The following GPC5 variants were observed in gnomAD, a reference collection of about 807,000 sequenced individuals.
GPC5 encodes glypican-5.
GPC5 carries 47 observed loss-of-function variants against 53.9 expected under a neutral mutation model. That is an observed-to-expected ratio of 0.87 (90% CI 0.69 to 1.11). The LOEUF is 1.11. GPC5 is among the 50% of genes most tolerant of loss of function. The pLI, the probability that GPC5 is intolerant of heterozygous loss-of-function variation, is 0.00. For missense variants in GPC5, 748 were observed against 713.1 expected, an observed-to-expected ratio of 1.05 and a Z score of -0.56; for synonymous variants, 286 against 263.3, an observed-to-expected ratio of 1.09 and a Z score of -0.84.
At chr13:91,717,463 C>T (rs1029922848) in intron 3 of GPC5, among the ~76,000 whole-genome samples, 1 of 152,136 alleles carries the variant, frequency 6.6e-6, no homozygotes, top group Non-Finnish European at 1.5e-5. Flanking sequence ...CTGAGAAGAG[C>T]TAGGGAAAGC....
chr13:91,485,677 G>A (rs1054815440), intron 2 of GPC5: 1 of 152,050 alleles, frequency 6.6e-6, no homozygotes, highest in African/African-American at 2.4e-5. Flanking sequence ...ATGAGATTTA[G>A]GAAATATGAT....
chr13:92,596,126 T>C (rs1883872694), intron 7 of GPC5, among the ~76,000 whole-genome samples: 1 of 152,134 alleles, frequency 6.6e-6, no homozygotes, highest in Non-Finnish European at 1.5e-5. Flanking sequence ...GATGAAGAAA[T>C]GTTGTTCACT....
chr13:92,058,742 C>A (rs145536559), intron 6 of GPC5, among the ~76,000 whole-genome samples: 1 of 152,030 alleles, frequency 6.6e-6, no homozygotes, highest in African/African-American at 2.4e-5. Flanking sequence ...TGGGGTTTTG[C>A]CAGGTTGCCC....
chr13:91,470,256 G>C (rs1439928700), intron 2 of GPC5, among the ~76,000 whole-genome samples: 1 of 152,134 alleles, frequency 6.6e-6, no homozygotes, highest in Non-Finnish European at 1.5e-5. Flanking sequence ...GCAGCACAGA[G>C]ATTTTCTTCC....
chr13:92,013,874 C>A (rs34185375), intron 6 of GPC5, among the ~76,000 whole-genome samples: 60,987 of 151,834 alleles, frequency 0.4, 12,964 homozygotes, highest in Admixed American at 0.5. Context: ...TCATATAAAG[C>A]TTCATAAATC....
chr13:92,737,858 C>G (rs1443891441), intron 7 of GPC5, among the ~76,000 whole-genome samples: 1 of 149,244 alleles, frequency 6.7e-6, no homozygotes, highest in African/African-American at 2.5e-5. Context: ...CCTCTACCTC[C>G]TGGGTTCAAG....
intron 7 of GPC5, among the ~76,000 whole-genome samples, chr13:92,294,421 A>T (rs2043019213): frequency 6.6e-6 from 1 of 152,096 alleles, no homozygotes; most frequent in Non-Finnish European, 1.5e-5. Context: ...TCCTGATTTA[A>T]GCTAGGAGGG....
At chr13:92,280,749 A>T (rs1232968117) in intron 7 of GPC5, among the ~76,000 whole-genome samples, 1 of 152,170 alleles carries the variant, frequency 6.6e-6, no homozygotes, top group Non-Finnish European at 1.5e-5. Flanking sequence ...ATAAGAAAAT[A>T]TGACGGGGTG....
intron 7 of GPC5, among the ~76,000 whole-genome samples, chr13:92,762,355 A>G (rs1875218828): frequency 6.6e-6 from 1 of 152,128 alleles, no homozygotes; most frequent in Non-Finnish European, 1.5e-5. Flanking sequence ...AATAACTATA[A>G]GAAGGTTTAT....
At position 91,831,251 on chromosome 13, in the gene GPC5, G is replaced by A. The variant is rs576829049; in HGVS notation, c.1280+74831G>A. Among the ~76,000 whole-genome samples the A allele has an allele frequency of 2.3e-4, 35 of 151,498 alleles. 2 individuals carry two copies. In the East Asian group the frequency reaches 6.8e-3, roughly 29 times the overall value. ...GGAGTCTGATGTTGGAGGGCAGGAA[G>A]CATCCAGCATGAGAGAAAGATGCAG... is the stretch of plus-strand genomic sequence containing the variant. On this transcript the variant is annotated intron_variant, in intron 5 of 7. Coordinates refer to ENST00000377067, the MANE Select transcript of GPC5 (RefSeq NM_004466.6).
intron 7 of GPC5, among the ~76,000 whole-genome samples, chr13:92,751,334 A>AAAAAAAAAAAAAAAAAAAAAAAAAAT (rs1889393079): frequency 6.9e-6 from 1 of 145,720 alleles, no homozygotes; most frequent in African/African-American, 2.6e-5. Flanking sequence ...AAAAAAAAAA[A>AAAAAAAAAAAAAAAAAAAAAAAAAAT]ACCTTCCAAC....
At chr13:91,756,465 G>A in intron 5 of GPC5, 45 bp downstream of exon 5, 2 of 1,487,190 alleles carry the variant, frequency 1.3e-6, no homozygotes, top group East Asian at 2.3e-5. Flanking sequence ...CATCATCCTT[G>A]CTTTCTTTTT....
intron 7 of GPC5, among the ~76,000 whole-genome samples, chr13:92,440,169 C>A (rs1877488166): frequency 6.6e-6 from 1 of 152,046 alleles, no homozygotes; most frequent in Non-Finnish European, 1.5e-5. Context: ...TTGCGTGATG[C>A]TGAGGTTTGG....
intron 7 of GPC5, among the ~76,000 whole-genome samples, chr13:92,804,270 A>T (rs1877014618): frequency 6.6e-6 from 1 of 151,976 alleles, no homozygotes; most frequent in Non-Finnish European, 1.5e-5. Context: ...AACAGGCTTC[A>T]GCATCAGTAT....
chr13:91,628,496 G>GTCTA (rs2034069839), intron 2 of GPC5, among the ~76,000 whole-genome samples: 1 of 151,376 alleles, frequency 6.6e-6, no homozygotes, highest in East Asian at 1.9e-4. Context: ...CTGTCTGTCT[G>GTCTA]TCTGTCTATC....
chr13:91,484,078 A>G (rs1231482508), intron 2 of GPC5, among the ~76,000 whole-genome samples: 2 of 152,186 alleles, frequency 1.3e-5, no homozygotes, highest in African/African-American at 4.8e-5. Flanking sequence ...ATTTTGTAGA[A>G]CGTACTTTTT....
intron 7 of GPC5, among the ~76,000 whole-genome samples, chr13:92,441,837 C>A (rs1389783235): frequency 1.3e-5 from 2 of 152,236 alleles, no homozygotes; most frequent in East Asian, 3.9e-4. Flanking sequence ...AAAAACTACT[C>A]TAAAATTCAT....
intron 5 of GPC5, among the ~76,000 whole-genome samples, chr13:91,782,000 A>G (rs967735454): frequency 3.5e-4 from 53 of 152,346 alleles, no homozygotes; most frequent in African/African-American, 1.2e-3. Flanking sequence ...ATATTAAAAT[A>G]TGACTTGTTG....
At chr13:91,439,122 CT>C (rs1436256600) in intron 1 of GPC5, among the ~76,000 whole-genome samples, 1 of 152,214 alleles carries the variant, frequency 6.6e-6, no homozygotes, top group Non-Finnish European at 1.5e-5. Context: ...GCTTCCTTCT[CT>C]GTTCCAATTC....
Sources: allele counts gnomAD v4.1 joint callset (sites outside exome capture counted in the v4.1 genomes callset), GRCh38; gene constraint gnomAD v4.1.1; transcripts MANE v1.5; gene names NCBI Gene and HGNC (gene_info 2026-07-23, HGNC 2026-07-21).